Variants in UNC13B observed in about 807,000 individuals in gnomAD.
The protein encoded by UNC13B is protein unc-13 homolog B.
UNC13B carries 144 observed loss-of-function variants against 211.0 expected under a neutral mutation model. That is an observed-to-expected ratio of 0.68 (90% CI 0.60 to 0.78). UNC13B has a LOEUF of 0.78. Ranked by LOEUF, UNC13B falls within the 30% of genes least tolerant of loss-of-function variation. The probability of loss-of-function intolerance (pLI) is 0.00; values close to 1 mark genes in which losing one functional copy is unlikely to be tolerated. For synonymous variants in UNC13B, 709 were observed against 725.8 expected, an observed-to-expected ratio of 0.98 and a Z score of 0.37; for missense variants, 1,777 against 2,002.0, an observed-to-expected ratio of 0.89 and a Z score of 2.14.
intron 7 of UNC13B, among the ~76,000 whole-genome samples, chr9:35,286,494 AG>A (rs1476849971): frequency 1.3e-5 from 2 of 151,954 alleles, no homozygotes; most frequent in African/African-American, 2.4e-5. Flanking sequence ...TGGCCTCCCA[AG>A]AAGCCTGGAA....
chr9:35,295,459 A>G (rs1481083461), intron 7 of UNC13B, among the ~76,000 whole-genome samples: 1 of 152,156 alleles, frequency 6.6e-6, no homozygotes, highest in South Asian at 2.1e-4. Flanking sequence ...GAGCTCCTCT[A>G]AGAATAAGCA....
At chr9:35,329,588 A>G (rs1831251564) in intron 11 of UNC13B, among the ~76,000 whole-genome samples, 1 of 151,818 alleles carries the variant, frequency 6.6e-6, no homozygotes, top group African/African-American at 2.4e-5. Context: ...CCTAGGCTCA[A>G]GTGGTCCTCC....
intron 1 of UNC13B, among the ~76,000 whole-genome samples, chr9:35,221,261 G>A (rs956640885): frequency 1.3e-5 from 2 of 151,998 alleles, no homozygotes; most frequent in South Asian, 4.2e-4. Context: ...GTAAAGACGA[G>A]TTTTCACCAT....
At chr9:35,344,656 A>G (rs1274581193) in intron 11 of UNC13B, among the ~76,000 whole-genome samples, 1 of 152,134 alleles carries the variant, frequency 6.6e-6, no homozygotes. Flanking sequence ...AAACAGATTA[A>G]TGACAACAAG....
chr9:35,264,139 G>C (rs1827437734), intron 7 of UNC13B, among the ~76,000 whole-genome samples: 1 of 152,152 alleles, frequency 6.6e-6, no homozygotes, highest in Non-Finnish European at 1.5e-5. Flanking sequence ...AGATTTCCAT[G>C]AAGGGGTTAT....
chr9:35,282,509 G>A (rs558782126), intron 7 of UNC13B, among the ~76,000 whole-genome samples: 206 of 152,214 alleles, frequency 1.4e-3, no homozygotes, highest in African/African-American at 4.7e-3. Context: ...TCGGCTCACT[G>A]CAACCTCTGC....
intron 11 of UNC13B, among the ~76,000 whole-genome samples, chr9:35,338,585 C>T (rs1027267728): frequency 6.6e-6 from 1 of 152,202 alleles, no homozygotes; most frequent in African/African-American, 2.4e-5. Context: ...CCAGAAAAAT[C>T]ATCTTCCTCA....
intron 1 of UNC13B, among the ~76,000 whole-genome samples, chr9:35,188,802 T>C (rs893173778): frequency 6.6e-6 from 1 of 152,212 alleles, no homozygotes; most frequent in Admixed American, 6.5e-5. Context: ...AAAGTCAAAA[T>C]TTACCCTTGC....
intron 7 of UNC13B, 119 bp downstream of exon 7, chr9:35,259,169 C>A: frequency 2.9e-6 from 3 of 1,041,540 alleles, no homozygotes; most frequent in Admixed American, 2.1e-5. Flanking sequence ...AGAAGATATT[C>A]CTGAAGCACA....
intron 12 of UNC13B, 118 bp downstream of exon 12, chr9:35,367,111 G>C (rs1833822240): frequency 9.7e-7 from 1 of 1,030,060 alleles, no homozygotes; most frequent in South Asian, 1.3e-5. Context: ...GGAAGGAAAA[G>C]GTTCCACTAT....
chr9:35,352,675 A>G (rs1832790387), intron 11 of UNC13B: 1 of 1,232,104 alleles, frequency 8.1e-7, no homozygotes, highest in East Asian at 3.2e-5. Context: ...ACAATTTATC[A>G]AAGGAAAGTG....
At chr9:35,166,900 C>A (rs1821065213) in intron 1 of UNC13B, among the ~76,000 whole-genome samples, 3 of 151,986 alleles carry the variant, frequency 2.0e-5, no homozygotes. Flanking sequence ...TGTTTTTTAA[C>A]CTCAATGATC....
chr9:35,391,582 C>T (rs117286161), intron 26 of UNC13B, among the ~76,000 whole-genome samples: 18 of 152,332 alleles, frequency 1.2e-4, no homozygotes, highest in Non-Finnish European at 1.8e-4. Flanking sequence ...ACAGACTACA[C>T]GCATACATTC....
Position 35,376,082 on chromosome 9 carries a change from A to AC in UNC13B, c.9672dup (p.Thr3225HisfsTer4). 6.2e-7 allele frequency: 1 copy of AC among 1,614,250 alleles called. No individual in the cohort carries two copies. On this transcript the variant is annotated frameshift_variant, in exon 15 of 40. Coordinates refer to ENST00000635942, the MANE Select transcript of UNC13B (RefSeq NM_001371189.2). LOFTEE classifies it high-confidence loss of function. ...GGCCTTAATCTACCCCATTTCGTGC[A>AC]CCACTCCTCATAACTTTGAGGTCTG...
Position 35,380,495 on chromosome 9 carries a change from A to T in UNC13B, c.10231A>T (p.Ile3411Phe). The T allele has an allele frequency of 3.7e-6, 6 of 1,614,184 alleles. No homozygotes were observed. Among genetic ancestry groups the T allele is most frequent in the Non-Finnish European group, 5.1e-6 (6 of 1,180,014 alleles). ...TGAGTGCCACAACTCCTCTGACCGC[A>T]TTAAGGTGCGTGTATGGGATGAGGA... ...HFECHNSSDRIKVRVWDEDDD... is the reference protein window; with the variant it reads ...HFECHNSSDRFKVRVWDEDDD... Residue 3411 changes from isoleucine to phenylalanine, a missense_variant, in exon 18 of 40, where the codon ATT (isoleucine) becomes TTT (phenylalanine). Transcript: ENST00000635942.
At position 35,306,713 on chromosome 9, in the gene UNC13B, C is replaced by A; in HGVS notation, c.7309C>A (p.Leu2437Ile). Residue 2437 changes from leucine (L) to isoleucine (I), a missense_variant, in exon 9 of 40, where the codon CTT (leucine) becomes ATT (isoleucine). By Grantham distance (5) the Leu-to-Ile change is conservative (BLOSUM62 2). Coordinates refer to ENST00000635942, the MANE Select transcript of UNC13B (RefSeq NM_001371189.2). Reference protein sequence around the residue: ...SSPEPGCAGNLQNQDADKEED... With the variant: ...SSPEPGCAGNIQNQDADKEED... Reference sequence around the variant, plus strand: ...TCCAGAGCCAGGGTGTGCAGGGAACCTTCAGAACCAAGATGCAGATAAAGA... The same window carrying A: ...TCCAGAGCCAGGGTGTGCAGGGAACATTCAGAACCAAGATGCAGATAAAGA... 1 of 399,028 alleles carries A rather than the reference C, an allele frequency of 2.5e-6. No individual in the cohort carries two copies. Among genetic ancestry groups the A allele is most frequent in the South Asian group, 1.3e-4 (1 of 7,848 alleles). The allele number at this position is 399,028 out of a possible 1,614,324, so 24.7% of individuals were successfully genotyped here. A position where few individuals can be genotyped will look rare whatever the true frequency, so the allele number is the denominator to read the frequency against.
At position 35,257,275 on chromosome 9, in the gene UNC13B, G is replaced by A. The variant is rs7854403; in HGVS notation, c.469-1718G>A. 8.7e-3 allele frequency among the ~76,000 whole-genome samples: 1,238 copies of A among 142,216 alleles called. 13 individuals are homozygous for A. The highest frequency in any genetic ancestry group is 0.03 in the African/African-American group (1,169 of 38,530). 93.3% of individuals were successfully genotyped at this position (142,216 alleles called of 152,430 possible). ...GGAGTTCAAAACCAGCCTGGCCAAC[G>A]TGGTGAAACCCCCATTTTTTATATT... On this transcript the variant is annotated intron_variant, in intron 6 of 39. Coordinates refer to ENST00000635942, the MANE Select transcript of UNC13B (RefSeq NM_001371189.2).
intron 1 of UNC13B, among the ~76,000 whole-genome samples, chr9:35,169,926 T>A (rs1821244089): frequency 6.6e-6 from 1 of 152,234 alleles, no homozygotes; most frequent in Non-Finnish European, 1.5e-5. Context: ...TAAATATTTG[T>A]TGGATACTTT....
chr9:35,247,482 C>T (rs977063949), intron 6 of UNC13B, among the ~76,000 whole-genome samples: 4 of 152,074 alleles, frequency 2.6e-5, no homozygotes, highest in African/African-American at 9.7e-5. Context: ...ATGATATTGG[C>T]TGTGGGTTTG....
Sources: allele counts gnomAD v4.1 joint callset (sites outside exome capture counted in the v4.1 genomes callset), GRCh38; gene constraint gnomAD v4.1.1; transcripts MANE v1.5; gene names NCBI Gene and HGNC (gene_info 2026-07-23, HGNC 2026-07-21).